RAB37: variants seen among roughly 807,000 people sequenced by gnomAD.
RAB37 encodes ras-related protein Rab-37.
A neutral mutation model predicts 33.1 loss-of-function variants in RAB37; 29 were observed. The observed-to-expected ratio is 0.88, with a 90% confidence interval of 0.65 to 1.20. The LOEUF (loss-of-function observed/expected upper bound fraction) is 1.20. RAB37 is among the 50% of genes most tolerant of loss of function. RAB37 has a pLI of 0.00. For missense variants in RAB37, 299 were observed against 301.1 expected (o/e 0.99, Z 0.05); for synonymous variants, 128 against 119.5 (o/e 1.07, Z -0.47).
chr17:74,686,518 G>C (rs2032057771), intron 1 of RAB37, among the ~76,000 whole-genome samples: 1 of 152,058 alleles, frequency 6.6e-6, no homozygotes, highest in East Asian at 1.9e-4. Flanking sequence ...AGCCTCCCGA[G>C]TAGCTGGGAT....
chr17:74,678,772 C>T (rs2031894026), intron 1 of RAB37, among the ~76,000 whole-genome samples: 1 of 152,086 alleles, frequency 6.6e-6, no homozygotes, highest in Non-Finnish European at 1.5e-5. Context: ...AGTGATCATC[C>T]GTTTTTGTTC....
chr17:74,716,872 G>A (rs376250852), intron 1 of RAB37, among the ~76,000 whole-genome samples: 95 of 152,318 alleles, frequency 6.2e-4, no homozygotes, highest in South Asian at 5.6e-3. Context: ...AGTGGCTCAC[G>A]CCTGTAATCC....
chr17:74,697,363 G>A (rs1267405087), intron 1 of RAB37, among the ~76,000 whole-genome samples: 1 of 152,130 alleles, frequency 6.6e-6, no homozygotes, highest in East Asian at 1.9e-4. Context: ...CAAAGAAATG[G>A]GGGGTTTTCC....
At chr17:74,705,431 C>T (rs1287811990) in intron 1 of RAB37, 1 of 509,092 alleles carries the variant, frequency 2.0e-6, no homozygotes, top group African/African-American at 1.9e-5. Context: ...TGCTTTGACC[C>T]CTTTGTCAAA....
chr17:74,737,390 C>G, intron 1 of RAB37, 25 bp downstream of exon 1: 1 of 1,538,962 alleles, frequency 6.5e-7, no homozygotes, highest in Non-Finnish European at 8.7e-7. Flanking sequence ...TCCGTGAGAC[C>G]CCCGCCCTCC....
upstream of RAB37, among the ~76,000 whole-genome samples, chr17:74,733,408 A>G (rs1366343897): frequency 2.9e-4 from 2 of 6,786 alleles, no homozygotes; most frequent in African/African-American, 6.9e-4. Flanking sequence ...GTGTGTGTGT[A>G]TATTTGTGGT....
At chr17:74,719,162 T>C (rs559804830) in intron 1 of RAB37, among the ~76,000 whole-genome samples, 1 of 152,280 alleles carries the variant, frequency 6.6e-6, no homozygotes, top group African/African-American at 2.4e-5. Context: ...AAAGGTAAAA[T>C]GCAGGCCAAG....
chr17:74,712,699 G>A, intron 1 of RAB37: 2 of 938,000 alleles, frequency 2.1e-6, no homozygotes, highest in Non-Finnish European at 3.4e-6. Flanking sequence ...TGGTGGGTAT[G>A]TGGATGAAAC....
At chr17:74,696,392 T>C (rs1050245164) in intron 1 of RAB37, among the ~76,000 whole-genome samples, 2 of 152,210 alleles carry the variant, frequency 1.3e-5, no homozygotes, top group African/African-American at 4.8e-5. Context: ...ACATTCGTCA[T>C]GTCACCTCTC....
chr17:74,728,407 GTTCT>G (rs1028882206), intron 1 of RAB37, among the ~76,000 whole-genome samples: 4 of 151,216 alleles, frequency 2.6e-5, no homozygotes, highest in East Asian at 2.0e-4. Context: ...GCATGTGTGT[GTTCT>G]TTCTATGTGT....
At chr17:74,705,838 A>G (rs2033460097) in intron 1 of RAB37, among the ~76,000 whole-genome samples, 1 of 152,038 alleles carries the variant, frequency 6.6e-6, no homozygotes, top group South Asian at 2.1e-4. Flanking sequence ...CAAGCGATCC[A>G]CCCACCTCAG....
Position 74,744,858 on chromosome 17 carries a change from A to C in RAB37, c.433-15A>C. 1 of 1,614,232 alleles carries C rather than the reference A, an allele frequency of 6.2e-7. No individual in the cohort carries two copies. On this transcript the variant is annotated splice_polypyrimidine_tract_variant and intron_variant, in intron 6 of 8. Coordinates refer to ENST00000392613, the MANE Select transcript of RAB37 (RefSeq NM_001006638.3). This position sits in a 1 kb window ranked among gnomAD's most constrained non-coding sequence, Gnocchi z 4.2. Reference sequence around the variant, plus strand: ...GAGGCCTCCTTCCCCAGAGTGACCCATTTGGGCTTGACAGGCGGATATGAG... The same window carrying C: ...GAGGCCTCCTTCCCCAGAGTGACCCCTTTGGGCTTGACAGGCGGATATGAG...
rs1275474770 is a variant in RAB37, at chr17:74,676,723, C to T, written c.72+5065C>T. On this transcript the variant is annotated intron_variant, in intron 1 of 7. Transcript: ENST00000340415. The surrounding 1 kb of genome is among the most constrained non-coding windows in gnomAD (Gnocchi z 4.1). ...GCCTGTGGCCTAGAAGGCATGCACA[C>T]AAATGGCTATACTTTTATATAATTC... Among the ~76,000 whole-genome samples, 1 of 152,166 alleles carries T rather than the reference C, an allele frequency of 6.6e-6. No homozygotes were observed. Among genetic ancestry groups the T allele is most frequent in the Non-Finnish European group, 1.5e-5 (1 of 68,032 alleles).
Position 74,726,558 on chromosome 17 carries a change from A to G in RAB37, c.73-2698A>G, listed in dbSNP as rs1598308880. 6.6e-5 allele frequency among the ~76,000 whole-genome samples: 10 copies of G among 152,356 alleles called. 2 individuals are homozygous for G. The highest frequency in any genetic ancestry group is 6.5e-4 in the Admixed American group (10 of 15,306). ...GCACTTCTTAAAGCCTGAGGAAGTTAGATTCTAGATGTAAATTATTAAAAC... is the reference window on the plus strand; with the variant it reads ...GCACTTCTTAAAGCCTGAGGAAGTTGGATTCTAGATGTAAATTATTAAAAC... On this transcript the variant is annotated intron_variant, in intron 1 of 7. Transcript: ENST00000340415.
intron 1 of RAB37, among the ~76,000 whole-genome samples, chr17:74,708,699 G>A (rs1420436787): frequency 6.6e-6 from 1 of 152,172 alleles, no homozygotes; most frequent in African/African-American, 2.4e-5. Context: ...GGCGGATCAG[G>A]AGGTGAGGAG....
chr17:74,736,985 C>A, upstream of RAB37: 1 of 1,580,256 alleles, frequency 6.3e-7, no homozygotes, highest in Non-Finnish European at 8.6e-7. Context: ...AGCAAGCGAC[C>A]ACAGGGGACC....
In RAB37 at chr17:74,729,262, C is replaced by G. The variant is rs61751839; in HGVS notation, c.79C>G (p.Leu27Val). ...CTCTATTGTTCCCTTCCAGACCATC[C>G]TGGTGGGTGACAGTGGTGTGGGAAA... The change falls in exon 2 of 8, where the codon CTG (leucine) becomes GTG (valine). Residue 27 changes from leucine (L) to valine (V), a missense_variant. Physicochemically the swap from Leu to Val is conservative, Grantham distance 32 (BLOSUM62 1). Transcript: ENST00000340415. The surrounding 1 kb of genome is among the most constrained non-coding windows in gnomAD (Gnocchi z 4.2). The G allele has an allele frequency of 2.4e-3, 3,832 of 1,613,402 alleles. 93 individuals carry two copies. In the African/African-American group the frequency reaches 0.045, roughly 19 times the overall value.
chr17:74,737,066 C>T (rs371224116), upstream of RAB37: 2 of 1,608,616 alleles, frequency 1.2e-6, no homozygotes, highest in Non-Finnish European at 1.7e-6. Flanking sequence ...GGGAGGCTGC[C>T]CGCCCCTTCA....
At chr17:74,674,626 C>G (rs1388259665) in intron 1 of RAB37, among the ~76,000 whole-genome samples, 1 of 151,994 alleles carries the variant, frequency 6.6e-6, no homozygotes, top group Non-Finnish European at 1.5e-5. Flanking sequence ...TGCAGTGAGC[C>G]AAGATCACAC....
Sources: allele counts gnomAD v4.1 joint callset (sites outside exome capture counted in the v4.1 genomes callset), GRCh38; gene constraint gnomAD v4.1.1; non-coding constraint Gnocchi (gnomAD v3.1); transcripts MANE v1.5; gene names NCBI Gene and HGNC (gene_info 2026-07-23, HGNC 2026-07-21).